CACNA2D3: variants seen among roughly 807,000 people sequenced by gnomAD.
CACNA2D3 encodes calcium voltage-gated channel auxiliary subunit alpha2delta 3.
CACNA2D3 carries 60 observed loss-of-function variants against 160.6 expected under a neutral mutation model. That is an observed-to-expected ratio of 0.37 (90% confidence interval 0.30 to 0.46). CACNA2D3 has a LOEUF of 0.46. Ranked by LOEUF, CACNA2D3 falls within the 20% of genes least tolerant of loss-of-function variation. The probability of loss-of-function intolerance (pLI) is 1.00; values close to 1 mark genes in which losing one functional copy is unlikely to be tolerated. For missense variants in CACNA2D3, 1,205 were observed against 1,365.0 expected, an observed-to-expected ratio of 0.88 and a Z score of 1.85; for synonymous variants, 558 against 492.9, an observed-to-expected ratio of 1.13 and a Z score of -1.75.
At chr3:54,561,595 C>T (rs1702326246) in intron 5 of CACNA2D3, among the ~76,000 whole-genome samples, 1 of 152,102 alleles carries the variant, frequency 6.6e-6, no homozygotes, top group Admixed American at 6.5e-5. Flanking sequence ...TTGCCCTGGC[C>T]AGGAATTCCA....
chr3:55,012,507 C>A (rs1284510447), intron 34 of CACNA2D3, among the ~76,000 whole-genome samples: 1 of 152,138 alleles, frequency 6.6e-6, no homozygotes, highest in Non-Finnish European at 1.5e-5. Context: ...CCTGCCACCA[C>A]AGACATCTAG....
chr3:54,949,652 G>A (rs929481207), intron 27 of CACNA2D3, among the ~76,000 whole-genome samples: 5 of 152,192 alleles, frequency 3.3e-5, no homozygotes, highest in African/African-American at 1.2e-4. Flanking sequence ...AGGCCTAATT[G>A]TGTTGCAAAC....
intron 4 of CACNA2D3, 127 bp downstream of exon 4, chr3:54,386,901 G>C: frequency 1.2e-6 from 1 of 820,888 alleles, no homozygotes; most frequent in South Asian, 1.9e-5. Context: ...ATGGTACTGA[G>C]TTGGAATCTT....
intron 17 of CACNA2D3, among the ~76,000 whole-genome samples, chr3:54,859,102 C>T (rs1326685796): frequency 6.6e-6 from 1 of 152,158 alleles, no homozygotes; most frequent in East Asian, 1.9e-4. Flanking sequence ...TAGACCCAAC[C>T]TCGCGGGGTT....
At position 55,018,255 on chromosome 3, in the gene CACNA2D3, A is replaced by G. The variant is rs1703371145; in HGVS notation, c.2925A>G (p.Ala975=). 5 of 1,613,528 alleles carry G rather than the reference A, an allele frequency of 3.1e-6. No individual in the cohort carries two copies. The highest frequency in any genetic ancestry group is 4.2e-6 in the Non-Finnish European group (5 of 1,179,670). Residue 975 remains alanine, a synonymous_variant, in exon 35 of 38, where the codon GCA becomes GCG. Transcript: ENST00000474759. ...TLEPCDTEYP[A]FVSERTIKET... ...AGCCTTGTGATACTGAATATCCAGC[A>G]TTCGTCTCTGAGCGCACCATCAAGG...
At chr3:54,382,166 A>G (rs1699113824) in intron 3 of CACNA2D3, among the ~76,000 whole-genome samples, 1 of 152,358 alleles carries the variant, frequency 6.6e-6, no homozygotes, top group South Asian at 2.1e-4. Context: ...TGACCTAAAA[A>G]AGGAATTCAT....
intron 17 of CACNA2D3, among the ~76,000 whole-genome samples, chr3:54,856,020 G>T (rs1015341228): frequency 1.3e-5 from 2 of 152,144 alleles, no homozygotes; most frequent in Non-Finnish European, 2.9e-5. Flanking sequence ...TTGAGTCTGG[G>T]CTCCCCACGA....
At chr3:54,277,105 G>T (rs1702760887) in intron 2 of CACNA2D3, among the ~76,000 whole-genome samples, 5 of 152,226 alleles carry the variant, frequency 3.3e-5, no homozygotes. Flanking sequence ...TGTCCTTCAG[G>T]CCTGGGCCAG....
chr3:54,366,620 C>T (rs945775007), intron 3 of CACNA2D3, among the ~76,000 whole-genome samples: 17 of 152,046 alleles, frequency 1.1e-4, no homozygotes, highest in African/African-American at 4.1e-4. Flanking sequence ...GGCACTGTGC[C>T]CATAAAGTAG....
intron 2 of CACNA2D3, among the ~76,000 whole-genome samples, chr3:54,289,721 T>A (rs1396257864): frequency 2.0e-5 from 3 of 152,112 alleles, no homozygotes; most frequent in African/African-American, 7.2e-5. Flanking sequence ...TATAGATCAA[T>A]GGAACAGAAC....
chr3:54,415,495 G>A (rs1485054391), intron 4 of CACNA2D3, among the ~76,000 whole-genome samples: 8 of 152,224 alleles, frequency 5.3e-5, no homozygotes, highest in Middle Eastern at 3.4e-3. Context: ...GCATATGCCT[G>A]TGGCATGGTA....
chr3:54,640,724 T>G (rs1699499470), intron 10 of CACNA2D3, among the ~76,000 whole-genome samples: 1 of 152,206 alleles, frequency 6.6e-6, no homozygotes. Flanking sequence ...TACTTGGGCT[T>G]CTCAAGTGAA....
intron 2 of CACNA2D3, among the ~76,000 whole-genome samples, chr3:54,183,542 A>G (rs1259484824): frequency 6.6e-6 from 1 of 151,942 alleles, no homozygotes; most frequent in East Asian, 1.9e-4. Flanking sequence ...TAAAAAAAAA[A>G]TCTGTGTATT....
At chr3:54,925,161 C>T (rs761235798) in intron 27 of CACNA2D3, 2 of 1,613,976 alleles carry the variant, frequency 1.2e-6, no homozygotes, top group Admixed American at 1.7e-5. Context: ...CTTGTCCGGG[C>T]AGCTGCATAC....
intron 4 of CACNA2D3, among the ~76,000 whole-genome samples, chr3:54,415,608 G>A (rs943644580): frequency 2.0e-5 from 3 of 152,194 alleles, no homozygotes; most frequent in Admixed American, 6.5e-5. Context: ...AATGATAAGA[G>A]TAATAGACAC....
intron 17 of CACNA2D3, among the ~76,000 whole-genome samples, chr3:54,870,215 T>A (rs568424146): frequency 1.3e-5 from 2 of 152,124 alleles, no homozygotes; most frequent in South Asian, 4.2e-4. Flanking sequence ...CCACTGGGGG[T>A]CAGTTTACAC....
intron 2 of CACNA2D3, among the ~76,000 whole-genome samples, chr3:54,177,491 G>A (rs543483928): frequency 7.2e-5 from 11 of 152,254 alleles, no homozygotes; most frequent in South Asian, 6.2e-4. Context: ...CTAACTCCTC[G>A]GGCTTTTTTA....
intron 2 of CACNA2D3, among the ~76,000 whole-genome samples, chr3:54,226,492 A>G (rs1235299215): frequency 6.6e-6 from 1 of 151,932 alleles, no homozygotes; most frequent in Non-Finnish European, 1.5e-5. Context: ...TGTTGAGACA[A>G]GGGTCTTGAT....
chr3:54,215,862 G>C (rs1701451204), intron 2 of CACNA2D3, among the ~76,000 whole-genome samples: 1 of 150,188 alleles, frequency 6.7e-6, no homozygotes, highest in South Asian at 2.2e-4. Flanking sequence ...TTTATTCTGA[G>C]CTTACTGTTT....
Sources: gnomAD v4.1 joint callset for allele counts (sites outside exome capture counted in the v4.1 genomes callset) on GRCh38, gnomAD v4.1.1 for gene constraint, MANE v1.5 for transcripts, NCBI Gene and HGNC (gene_info 2026-07-23, HGNC 2026-07-21) for gene names.